KCNIP4: variants seen among roughly 807,000 people sequenced by gnomAD.
The protein encoded by KCNIP4 is Kv channel-interacting protein 4.
KCNIP4 carries 12 observed loss-of-function variants against 34.0 expected under a neutral mutation model. The observed-to-expected ratio is 0.35, with a 90% confidence interval of 0.23 to 0.57. The LOEUF (loss-of-function observed/expected upper bound fraction) is 0.57, where lower values mean the gene tolerates loss of function less well. Among genes scored for constraint, KCNIP4 ranks in the 20% least tolerant of loss-of-function variants. KCNIP4 has a pLI of 0.83. For missense variants in KCNIP4, 238 were observed against 311.7 expected (o/e 0.76, Z 1.78); for synonymous variants, 124 against 102.2 (o/e 1.21, Z -1.29).
chr4:20,892,539 A>G (rs1726037350), intron 1 of KCNIP4, among the ~76,000 whole-genome samples: 1 of 151,742 alleles, frequency 6.6e-6, no homozygotes, highest in South Asian at 2.1e-4. Flanking sequence ...TCTCTCCTTT[A>G]TCTTTTTCTG....
chr4:21,087,370 G>T (rs189948922), intron 1 of KCNIP4, among the ~76,000 whole-genome samples: 6 of 152,132 alleles, frequency 3.9e-5, no homozygotes, highest in Admixed American at 3.9e-4. Context: ...TACAGATGGG[G>T]TTTCACCGTG....
intron 3 of KCNIP4, among the ~76,000 whole-genome samples, chr4:20,849,840 G>A (rs1456347125): frequency 6.6e-6 from 1 of 152,182 alleles, no homozygotes; most frequent in Non-Finnish European, 1.5e-5. Context: ...AGCTCCTTAA[G>A]GATAGAAGTG....
intron 1 of KCNIP4, among the ~76,000 whole-genome samples, chr4:21,628,094 C>T (rs1745460694): frequency 6.6e-6 from 1 of 152,060 alleles, no homozygotes; most frequent in Non-Finnish European, 1.5e-5. Context: ...GCCTGGATTC[C>T]TCTGTAAGTA....
chr4:21,666,921 A>C (rs913121235), intron 1 of KCNIP4, among the ~76,000 whole-genome samples: 4 of 152,198 alleles, frequency 2.6e-5, no homozygotes, highest in Non-Finnish European at 4.4e-5. Context: ...ACCTGGAGGG[A>C]ATAAACAGAG....
At chr4:21,107,679 A>G (rs1577704084) in intron 1 of KCNIP4, among the ~76,000 whole-genome samples, 2 of 151,236 alleles carry the variant, frequency 1.3e-5, no homozygotes, top group Non-Finnish European at 2.9e-5. Context: ...TAGTTGATGC[A>G]GTTTCTTCCT....
At chr4:21,155,039 A>C (rs974134237) in intron 1 of KCNIP4, among the ~76,000 whole-genome samples, 2 of 152,166 alleles carry the variant, frequency 1.3e-5, no homozygotes, top group African/African-American at 2.4e-5. Flanking sequence ...AAGAAAAATA[A>C]AATTTTTAAT....
intron 1 of KCNIP4, among the ~76,000 whole-genome samples, chr4:21,934,670 G>C (rs762212874): frequency 6.6e-6 from 1 of 151,932 alleles, no homozygotes; most frequent in South Asian, 2.1e-4. Flanking sequence ...GCTCAGCTCA[G>C]AGTACCACGT....
chr4:21,611,662 T>G (rs938821044), intron 1 of KCNIP4, among the ~76,000 whole-genome samples: 1 of 152,142 alleles, frequency 6.6e-6, no homozygotes, highest in East Asian at 1.9e-4. Flanking sequence ...TTTGTTTTTG[T>G]TTTTGTTTTT....
At chr4:21,786,242 C>T (rs1000578892) in intron 1 of KCNIP4, among the ~76,000 whole-genome samples, 2 of 152,172 alleles carry the variant, frequency 1.3e-5, no homozygotes, top group African/African-American at 4.8e-5. Context: ...CCACCATGCC[C>T]GGCCTCGCTT....
chr4:21,430,300 G>T (rs928846366), intron 1 of KCNIP4, among the ~76,000 whole-genome samples: 2 of 151,612 alleles, frequency 1.3e-5, no homozygotes, highest in Non-Finnish European at 2.9e-5. Flanking sequence ...AAGTGATAAC[G>T]GCTTTTACAA....
chr4:21,125,753 A>G (rs773024578), intron 1 of KCNIP4, among the ~76,000 whole-genome samples: 1 of 152,166 alleles, frequency 6.6e-6, no homozygotes, highest in African/African-American at 2.4e-5. Context: ...GGCCTCCAAC[A>G]TAATAGTTTG....
chr4:21,722,995 GA>G lies in KCNIP4; in HGVS notation c.61+225575del, dbSNP rs1296220928. 3.3e-5 allele frequency among the ~76,000 whole-genome samples: 5 copies of G among 152,218 alleles called. No individual in the cohort carries two copies. The East Asian group carries it at 9.7e-4, about 29-fold the overall frequency. On this transcript the variant is annotated intron_variant, in intron 1 of 8. Coordinates refer to ENST00000382152, the MANE Select transcript of KCNIP4 (RefSeq NM_025221.6). ...GACAAAAACAAACAAACAAAAAACAGAAGTTCCATAAGGATTCTCACTGTCT... is the reference window on the plus strand; with the variant it reads ...GACAAAAACAAACAAACAAAAAACAGAGTTCCATAAGGATTCTCACTGTCT...
At position 21,638,709 on chromosome 4, in the gene KCNIP4, T is replaced by C. The variant is rs374573762; in HGVS notation, c.61+309862A>G. Among the ~76,000 whole-genome samples the C allele has an allele frequency of 3.5e-4, 53 of 152,314 alleles. 1 individual carries two copies. The South Asian group carries it at 7.7e-3, about 22-fold the overall frequency. Reference sequence around the variant, plus strand: ...AGCCAAATAAATCTGCTGCAAAGAATGTTGCACATTTCATTAAAAATGCTC... The same window carrying C: ...AGCCAAATAAATCTGCTGCAAAGAACGTTGCACATTTCATTAAAAATGCTC... On this transcript the variant is annotated intron_variant, in intron 1 of 8. Coordinates refer to ENST00000382152, the MANE Select transcript of KCNIP4 (RefSeq NM_025221.6).
chr4:21,858,816 A>T (rs1188351620), intron 1 of KCNIP4, among the ~76,000 whole-genome samples: 2 of 152,200 alleles, frequency 1.3e-5, no homozygotes, highest in Non-Finnish European at 2.9e-5. Flanking sequence ...TTACTGTTTT[A>T]AGACAACTTA....
intron 1 of KCNIP4, among the ~76,000 whole-genome samples, chr4:21,468,058 A>G (rs1350630317): frequency 6.6e-6 from 1 of 152,096 alleles, no homozygotes; most frequent in Non-Finnish European, 1.5e-5. Flanking sequence ...CAAATGGATC[A>G]CTCTGCAAAA....
intron 1 of KCNIP4, among the ~76,000 whole-genome samples, chr4:21,226,631 G>T (rs1758428457): frequency 6.6e-6 from 1 of 152,094 alleles, no homozygotes; most frequent in Non-Finnish European, 1.5e-5. Flanking sequence ...GAAACATAGG[G>T]AGGACTTCTG....
At chr4:21,809,097 T>C (rs898473153) in intron 1 of KCNIP4, among the ~76,000 whole-genome samples, 4 of 151,996 alleles carry the variant, frequency 2.6e-5, no homozygotes, top group Admixed American at 2.0e-4. Context: ...AAAACGCTAT[T>C]TCTGGGTGTG....
intron 1 of KCNIP4, among the ~76,000 whole-genome samples, chr4:21,854,094 A>C (rs1380794545): frequency 6.6e-6 from 1 of 152,180 alleles, no homozygotes; most frequent in East Asian, 1.9e-4. Context: ...TGTCTTCCCA[A>C]GTTTCACTCT....
rs1016689932 is a variant in KCNIP4, at chr4:21,018,581, C to T, written c.62-135872G>A. Among the ~76,000 whole-genome samples, 11 of 152,254 alleles carry T rather than the reference C, an allele frequency of 7.2e-5. 1 individual carries two copies. In the South Asian group the frequency reaches 1.7e-3, roughly 23 times the overall value. ...CTCATAGCCAACTTTGGTTTCAGAA[C>T]TCCCTGAAAGATTGCTGAACCTATT... On this transcript the variant is annotated intron_variant, in intron 1 of 8. Transcript: ENST00000382152.
Sources: allele counts gnomAD v4.1 joint callset (sites outside exome capture counted in the v4.1 genomes callset), GRCh38; gene constraint gnomAD v4.1.1; transcripts MANE v1.5; gene names NCBI Gene and HGNC (gene_info 2026-07-23, HGNC 2026-07-21).